The following BRINP2 variants were observed in gnomAD, a reference collection of about 807,000 sequenced individuals.
BRINP2 encodes the protein BMP/retinoic acid-inducible neural-specific protein 2.
BRINP2 carries 21 observed loss-of-function variants against 69.2 expected under a neutral mutation model. The ratio of observed to expected loss-of-function variants is 0.30; its 90% CI spans 0.22 to 0.44. The LOEUF (loss-of-function observed/expected upper bound fraction) is 0.44, where lower values mean the gene tolerates loss of function less well. BRINP2 is among the 20% of genes least tolerant of loss of function. The probability of loss-of-function intolerance (pLI) is 1.00; values close to 1 mark genes in which losing one functional copy is unlikely to be tolerated. For synonymous variants in BRINP2, 380 were observed against 394.1 expected (o/e 0.96, Z 0.42); for missense variants, 877 against 986.0 (o/e 0.89, Z 1.48).
intron 1 of BRINP2, among the ~76,000 whole-genome samples, chr1:177,211,096 T>C (rs1354763706): frequency 1.3e-5 from 2 of 151,694 alleles, no homozygotes; most frequent in Non-Finnish European, 1.5e-5. Context: ...GTTATGTCCA[T>C]AAAGCTTTAA....
At chr1:177,201,296 C>A (rs1648903035) in intron 1 of BRINP2, among the ~76,000 whole-genome samples, 1 of 152,188 alleles carries the variant, frequency 6.6e-6, no homozygotes, top group Non-Finnish European at 1.5e-5. Context: ...AGTTTAATTT[C>A]TTCTAACATG....
intron 2 of BRINP2, among the ~76,000 whole-genome samples, chr1:177,248,460 CGT>C (rs1300367820): frequency 3.6e-5 from 5 of 140,080 alleles, no homozygotes; most frequent in East Asian, 4.2e-4. Context: ...TGTGTGCGTG[CGT>C]GTGTGTGTGC....
chr1:177,282,396 A>C lies in BRINP2; in HGVS notation c.*868A>C, dbSNP rs1215582916. On this transcript the variant is annotated 3_prime_UTR_variant, in exon 8 of 8. Transcript: ENST00000361539. ...ATCTGCTCCAACCACCTGAACATCTAAGTAAACATTTATCTGGTTTAATAT... is the reference window on the plus strand; with the variant it reads ...ATCTGCTCCAACCACCTGAACATCTCAGTAAACATTTATCTGGTTTAATAT... 1 of 152,122 alleles carries C rather than the reference A, an allele frequency of 6.6e-6. No homozygotes were observed. The highest frequency in any genetic ancestry group is 1.5e-5 in the Non-Finnish European group (1 of 68,042). The allele number at this position is 152,122 out of a possible 1,614,324, so 9.4% of individuals were successfully genotyped here.
At chr1:177,220,645 G>A (rs1649499426) in intron 1 of BRINP2, among the ~76,000 whole-genome samples, 1 of 152,154 alleles carries the variant, frequency 6.6e-6, no homozygotes, top group African/African-American at 2.4e-5. Flanking sequence ...TTTCTTTGTA[G>A]CAATGCAATA....
At position 177,230,031 on chromosome 1, in the gene BRINP2, A is replaced by G; in HGVS notation, c.155A>G (p.Gln52Arg). The G allele has an allele frequency of 6.2e-7, 1 of 1,613,812 alleles. No homozygotes were observed. Among genetic ancestry groups the G allele is most frequent in the Non-Finnish European group, 8.5e-7 (1 of 1,180,010 alleles). Reference sequence around the variant, plus strand: ...GAGCAGCATGCCTCCGTAGCTGGCCAGCATCCCCTGGACTGGCTGCTCACA... The same window carrying G: ...GAGCAGCATGCCTCCGTAGCTGGCCGGCATCCCCTGGACTGGCTGCTCACA... ...VPEQHASVAG[Q>R]HPLDWLLTDR... is the part of the protein sequence containing the mutation. Residue 52 changes from glutamine to arginine, a missense_variant, in exon 2 of 8, where the codon CAG (glutamine) becomes CGG (arginine). Coordinates refer to ENST00000361539, the MANE Select transcript of BRINP2 (RefSeq NM_021165.4).
At chr1:177,209,518 T>G (rs1649163763) in intron 1 of BRINP2, among the ~76,000 whole-genome samples, 1 of 152,052 alleles carries the variant, frequency 6.6e-6, no homozygotes. Context: ...TGGCAGAGAG[T>G]CAAGAATGGT....
chr1:177,181,225 G>A (rs569011362), intron 1 of BRINP2, among the ~76,000 whole-genome samples: 2 of 152,342 alleles, frequency 1.3e-5, no homozygotes, highest in Non-Finnish European at 2.9e-5. Flanking sequence ...CTTCAACAGT[G>A]GACTGGGAGG....
Position 177,276,207 on chromosome 1 carries a change from T to G in BRINP2, c.785T>G (p.Val262Gly), listed in dbSNP as rs1233230297. The G allele has an allele frequency of 1.9e-6, 3 of 1,611,924 alleles. No individual in the cohort carries two copies. The highest frequency in any genetic ancestry group is 2.5e-6 in the Non-Finnish European group (3 of 1,178,322). Residue 262 changes from valine (V) to glycine (G), a missense_variant, in exon 6 of 8, where the codon GTG (valine) becomes GGG (glycine). This residue lies in a region of BRINP2 where 566 missense variants were observed against 625.2 expected (regional missense o/e 0.91). Coordinates refer to ENST00000361539, the MANE Select transcript of BRINP2 (RefSeq NM_021165.4). Reference protein sequence around the residue: ...ENKVQLLGLQVLLPEYLRERF... With the variant: ...ENKVQLLGLQGLLPEYLRERF... ...CACATCCTTTCCCCAGGCCTTCAGG[T>G]GCTGCTGCCTGAGTATCTGCGTGAG... is the stretch of plus-strand genomic sequence containing the variant.
intron 1 of BRINP2, among the ~76,000 whole-genome samples, chr1:177,175,521 C>G (rs1648065207): frequency 6.6e-6 from 1 of 152,230 alleles, no homozygotes; most frequent in African/African-American, 2.4e-5. Context: ...GGTAACACAA[C>G]AACCCTAGTC....
intron 1 of BRINP2, among the ~76,000 whole-genome samples, chr1:177,222,790 C>A (rs995339229): frequency 5.9e-5 from 9 of 151,962 alleles, no homozygotes; most frequent in African/African-American, 9.7e-5. Context: ...GGCAGGCAGC[C>A]AGGTTCTGCA....
At chr1:177,174,630 A>G (rs1648032152) in intron 1 of BRINP2, among the ~76,000 whole-genome samples, 1 of 152,216 alleles carries the variant, frequency 6.6e-6, no homozygotes, top group African/African-American at 2.4e-5. Context: ...TTGGATAGAA[A>G]GAATGAGGGA....
chr1:177,274,339 T>C (rs1330738175), intron 5 of BRINP2, among the ~76,000 whole-genome samples: 1 of 152,222 alleles, frequency 6.6e-6, no homozygotes, highest in East Asian at 1.9e-4. Flanking sequence ...TCTCAAGGCC[T>C]AACTGAATTG....
rs368715792 is a variant in BRINP2, at chr1:177,256,503, C to T, written c.460+394C>T. On this transcript the variant is annotated intron_variant, in intron 3 of 7. Transcript: ENST00000361539. ...GAAGTCCCTGGAGTCCCTGACCCCTCTTCCTCTCTATAACGATTGGAAACT... is the reference window on the plus strand; with the variant it reads ...GAAGTCCCTGGAGTCCCTGACCCCTTTTCCTCTCTATAACGATTGGAAACT... The T allele has an allele frequency of 2.8e-5, 28 of 985,318 alleles. No homozygotes were observed. The African/African-American group carries it at 4.2e-4, about 15-fold the overall frequency. 61.0% of individuals were successfully genotyped at this position (985,318 alleles called of 1,614,324 possible).
At chr1:177,245,997 C>T (rs753903389) in intron 2 of BRINP2, among the ~76,000 whole-genome samples, 29 of 152,140 alleles carry the variant, frequency 1.9e-4, no homozygotes, top group African/African-American at 5.6e-4. Flanking sequence ...GTTTACGGGC[C>T]GTTGTTTGAG....
At chr1:177,196,794 G>A (rs891705139) in intron 1 of BRINP2, among the ~76,000 whole-genome samples, 2 of 152,146 alleles carry the variant, frequency 1.3e-5, no homozygotes, top group African/African-American at 4.8e-5. Flanking sequence ...CAGAGGTTAA[G>A]TAACTTGCTC....
chr1:177,271,668 T>G (rs975727888), intron 4 of BRINP2, among the ~76,000 whole-genome samples: 1 of 152,198 alleles, frequency 6.6e-6, no homozygotes, highest in Admixed American at 6.5e-5. Context: ...GTAGAGAAGC[T>G]GTCCCTGCCC....
At chr1:177,209,941 A>G (rs1051435722) in intron 1 of BRINP2, among the ~76,000 whole-genome samples, 1 of 152,212 alleles carries the variant, frequency 6.6e-6, no homozygotes, top group African/African-American at 2.4e-5. Context: ...GGCAACAATT[A>G]TTAATATAAA....
In BRINP2 at chr1:177,190,272, T is replaced by C. The variant is rs554126454; in HGVS notation, c.-77+18540T>C. 2.0e-5 allele frequency among the ~76,000 whole-genome samples: 3 copies of C among 152,340 alleles called. No individual in the cohort carries two copies. The East Asian group carries it at 5.8e-4, about 29-fold the overall frequency. On this transcript the variant is annotated intron_variant, in intron 1 of 7. Coordinates refer to ENST00000361539, the MANE Select transcript of BRINP2 (RefSeq NM_021165.4). ...AACTTGCTCCTCTTGTTTCTGAACC[T>C]GTCTCTCTCCTCACTCACTTTTCCT...
At chr1:177,229,684 A>T in intron 1 of BRINP2, 117 bp from the exon 2 acceptor site, 2 of 674,560 alleles carry the variant, frequency 3.0e-6, no homozygotes, top group Non-Finnish European at 4.6e-6. Flanking sequence ...CCGAGAACGA[A>T]GTTATGTTAC....
Sources: allele counts gnomAD v4.1 joint callset (sites outside exome capture counted in the v4.1 genomes callset), GRCh38; gene constraint gnomAD v4.1.1; regional missense constraint gnomAD v4.1.1; transcripts MANE v1.5; gene names NCBI Gene and HGNC (gene_info 2026-07-23, HGNC 2026-07-21).